Variants in KIAA0319 observed in about 807,000 individuals in gnomAD.
KIAA0319 encodes the protein KIAA0319, also known as dyslexia-associated protein KIAA0319.
Under a neutral mutation model 108.4 loss-of-function variants are expected in KIAA0319, and 83 were observed. The observed-to-expected ratio is 0.77, with a 90% confidence interval of 0.64 to 0.92. KIAA0319 has a LOEUF of 0.92. Ranked by LOEUF, KIAA0319 falls within the 40% of genes least tolerant of loss-of-function variation. The pLI is 0.00. For synonymous variants in KIAA0319, 484 were observed against 510.4 expected, an observed-to-expected ratio of 0.95 and a Z score of 0.70; for missense variants, 1,195 against 1,322.4, an observed-to-expected ratio of 0.90 and a Z score of 1.49.
chr6:24,613,247 A>G (rs1361016183), intron 1 of KIAA0319, among the ~76,000 whole-genome samples: 2 of 152,188 alleles, frequency 1.3e-5, no homozygotes, highest in East Asian at 3.8e-4. Flanking sequence ...AAATGCAGGA[A>G]GGGAATCTGC....
intron 1 of KIAA0319, among the ~76,000 whole-genome samples, chr6:24,608,930 C>CA (rs57120652): frequency 0.36 from 10,949 of 30,072 alleles, 4,577 homozygotes; most frequent in Non-Finnish European, 0.39. Flanking sequence ...GACTCCGTCT[C>CA]AAAAAAAAAA....
rs151140150 is a variant in KIAA0319 at position 24,631,745 on chromosome 6, G to A, written c.-106+13991C>T. ...ATTCTTATCTAACGGGGTCACCACT[G>A]CTATCTAAGTAGGTGCTTTGCCTTG... On this transcript the variant is annotated intron_variant, in intron 1 of 20. Transcript: ENST00000378214. Among the ~76,000 whole-genome samples, 1,380 of 152,302 alleles carry A rather than the reference G, an allele frequency of 9.1e-3. 15 individuals carry two copies. Among genetic ancestry groups the A allele is most frequent in the African/African-American group, 0.022 (921 of 41,548 alleles).
At chr6:24,571,904 A>G (rs755610879) in intron 11 of KIAA0319, among the ~76,000 whole-genome samples, 41 of 152,260 alleles carry the variant, frequency 2.7e-4, no homozygotes, top group Non-Finnish European at 3.2e-4. Flanking sequence ...TAGAGCGCCA[A>G]TCACAGAGTT....
At chr6:24,561,130 T>C (rs750946946) in intron 16 of KIAA0319, among the ~76,000 whole-genome samples, 2 of 152,254 alleles carry the variant, frequency 1.3e-5, no homozygotes, top group Non-Finnish European at 2.9e-5. Context: ...AATAAGTTGC[T>C]GGATTCAGTT....
intron 1 of KIAA0319, among the ~76,000 whole-genome samples, chr6:24,631,362 T>C (rs182354163): frequency 1.0e-3 from 159 of 152,276 alleles, no homozygotes; most frequent in Middle Eastern, 6.8e-3. Context: ...TTCCCACTCA[T>C]TGGGAGGGTC....
chr6:24,598,126 T>C, intron 2 of KIAA0319: 1 of 441,992 alleles, frequency 2.3e-6, no homozygotes, highest in Non-Finnish European at 4.4e-6. Context: ...CTTGAGCTTC[T>C]CTCGAGTGGG....
chr6:24,550,863 C>A (rs947671400), intron 20 of KIAA0319, among the ~76,000 whole-genome samples: 28 of 152,088 alleles, frequency 1.8e-4, no homozygotes, highest in African/African-American at 6.0e-4. Context: ...CATTTCATAT[C>A]CCTCATCCAT....
intron 1 of KIAA0319, among the ~76,000 whole-genome samples, chr6:24,631,271 C>T (rs759149862): frequency 6.6e-6 from 1 of 152,204 alleles, no homozygotes; most frequent in Non-Finnish European, 1.5e-5. Context: ...TCAGCTTCAG[C>T]GGTGAATGCA....
intron 1 of KIAA0319, among the ~76,000 whole-genome samples, chr6:24,643,051 G>C (rs1286267987): frequency 6.6e-6 from 1 of 152,172 alleles, no homozygotes; most frequent in Non-Finnish European, 1.5e-5. Flanking sequence ...TGACCAGCAA[G>C]TTGGCAGGCA....
intron 2 of KIAA0319, 123 bp downstream of exon 2, chr6:24,600,926 C>G: frequency 7.7e-7 from 1 of 1,293,040 alleles, no homozygotes; most frequent in South Asian, 1.2e-5. Context: ...ATGCTTTCAC[C>G]TGTAAAATAA....
Position 24,579,845 on chromosome 6 carries a change from T to C in KIAA0319, c.1372+13A>G. ...GAAAAAAAGAAATCCCTAAACTATC[T>C]CAGGATACACACGGCTGCCATCAAT... On this transcript the variant is annotated intron_variant, in intron 8 of 20. Coordinates refer to ENST00000378214, the MANE Select transcript of KIAA0319 (RefSeq NM_014809.4). 1.3e-6 allele frequency: 2 copies of C among 1,588,026 alleles called. No individual in the cohort carries two copies. The highest frequency in any genetic ancestry group is 1.7e-6 in the Non-Finnish European group (2 of 1,164,750).
At chr6:24,641,982 C>A (rs1776958576) in intron 1 of KIAA0319, among the ~76,000 whole-genome samples, 2 of 133,182 alleles carry the variant, frequency 1.5e-5, no homozygotes, top group Non-Finnish European at 3.1e-5. Context: ...TGGCACTGTA[C>A]TTCAGCCTGG....
intron 1 of KIAA0319, among the ~76,000 whole-genome samples, chr6:24,621,872 G>A (rs1582274977): frequency 1.3e-5 from 2 of 152,194 alleles, no homozygotes; most frequent in African/African-American, 4.8e-5. Flanking sequence ...TGGATGCAAA[G>A]AGACAGAACC....
chr6:24,587,650 G>A (rs560144650), intron 4 of KIAA0319, among the ~76,000 whole-genome samples: 3 of 151,588 alleles, frequency 2.0e-5, no homozygotes, highest in South Asian at 4.2e-4. Context: ...GCAGTGGAGC[G>A]ATCTCAGCTA....
In KIAA0319 at chr6:24,564,297, G is replaced by A. The variant is rs900657478; in HGVS notation, c.2336C>T (p.Thr779Met). The change falls in exon 15 of 21, where the codon ACG (threonine) becomes ATG (methionine). Residue 779 changes from threonine to methionine, a missense_variant. Thr to Met is a moderately conservative substitution (Grantham distance 81). Coordinates refer to ENST00000378214, the MANE Select transcript of KIAA0319 (RefSeq NM_014809.4). Reference protein sequence around the residue: ...GSDHSVALQLTNLVEGVYTFH... With the variant: ...GSDHSVALQLMNLVEGVYTFH... ...AGTGTACACCCCCTCCACCAGATTCGTAAGCTGCAGAGCCACACTGTGGTC... is the reference window on the plus strand; with the variant it reads ...AGTGTACACCCCCTCCACCAGATTCATAAGCTGCAGAGCCACACTGTGGTC... The A allele has an allele frequency of 3.1e-6, 5 of 1,614,116 alleles. No homozygotes were observed. Among genetic ancestry groups the A allele is most frequent in the Admixed American group, 1.7e-5 (1 of 60,024 alleles).
intron 11 of KIAA0319, among the ~76,000 whole-genome samples, chr6:24,570,357 G>A (rs866201174): frequency 1.8e-4 from 28 of 152,164 alleles, no homozygotes; most frequent in African/African-American, 6.0e-4. Context: ...GGGAGAACGA[G>A]GCGGGCGGAT....
chr6:24,591,984 CAAGA>C (rs1360074470), intron 3 of KIAA0319, among the ~76,000 whole-genome samples: 1 of 152,170 alleles, frequency 6.6e-6, no homozygotes, highest in African/African-American at 2.4e-5. Flanking sequence ...TTTATTCCAT[CAAGA>C]AAGCTTTACT....
intron 1 of KIAA0319, among the ~76,000 whole-genome samples, chr6:24,619,708 G>A (rs1397674478): frequency 1.3e-5 from 2 of 152,108 alleles, no homozygotes; most frequent in African/African-American, 4.8e-5. Context: ...TGCACGAGGG[G>A]GGAAATGGCC....
At chr6:24,620,257 C>T (rs61556098) in intron 1 of KIAA0319, among the ~76,000 whole-genome samples, 20,332 of 152,156 alleles carry the variant, frequency 0.13, 1,713 homozygotes, top group South Asian at 0.32. Flanking sequence ...CATGAGGCCT[C>T]TTCAATTTTT....
Sources: allele counts gnomAD v4.1 joint callset (sites outside exome capture counted in the v4.1 genomes callset), GRCh38; gene constraint gnomAD v4.1.1; transcripts MANE v1.5; gene names NCBI Gene and HGNC (gene_info 2026-07-23, HGNC 2026-07-21).